Variants in ALG8 observed in about 807,000 individuals in gnomAD.
ALG8 encodes the protein ALG8 alpha-1,3-glucosyltransferase.
Under a neutral mutation model 70.2 loss-of-function variants are expected in ALG8, and 48 were observed. The ratio of observed to expected loss-of-function variants is 0.68; its 90% CI spans 0.54 to 0.87. The LOEUF is 0.87. ALG8 is among the 40% of genes least tolerant of loss of function. The probability of loss-of-function intolerance (pLI) is 0.00; values close to 1 mark genes in which losing one functional copy is unlikely to be tolerated. For missense variants in ALG8, 572 were observed against 608.7 expected, an observed-to-expected ratio of 0.94 and a Z score of 0.64; for synonymous variants, 234 against 229.0, an observed-to-expected ratio of 1.02 and a Z score of -0.20.
intron 10 of ALG8, among the ~76,000 whole-genome samples, chr11:78,105,963 C>T (rs966947834): frequency 6.6e-6 from 1 of 152,144 alleles, no homozygotes; most frequent in Admixed American, 6.5e-5. Flanking sequence ...CCGCTTCAGC[C>T]TCCGAAAGTA....
intron 1 of ALG8, among the ~76,000 whole-genome samples, chr11:78,131,131 C>G (rs1325789009): frequency 6.6e-6 from 1 of 151,666 alleles, no homozygotes; most frequent in African/African-American, 2.4e-5. Context: ...TTTGTTGTTT[C>G]CTATTCAAAA....
At chr11:78,119,608 T>TTAC (rs1565354381) in intron 4 of ALG8, among the ~76,000 whole-genome samples, 1 of 151,982 alleles carries the variant, frequency 6.6e-6, no homozygotes, top group Admixed American at 6.6e-5. Flanking sequence ...TTTTTGTACT[T>TTAC]TTAGTAGAGA....
At chr11:78,111,954 C>T (rs926606530) in intron 8 of ALG8, among the ~76,000 whole-genome samples, 7 of 152,028 alleles carry the variant, frequency 4.6e-5, no homozygotes, top group African/African-American at 1.7e-4. Context: ...CTTACATATT[C>T]TTCTTTCTTG....
At chr11:78,127,327 T>TAA (rs59662312) in intron 2 of ALG8, 31 bp downstream of exon 2, 18 of 1,358,024 alleles carry the variant, frequency 1.3e-5, no homozygotes, top group Non-Finnish European at 1.6e-5. Flanking sequence ...AGATGAATCT[T>TAA]AAAAAAAAAA....
chr11:78,127,712 C>CTT (rs1192507872), intron 1 of ALG8, among the ~76,000 whole-genome samples: 8 of 132,896 alleles, frequency 6.0e-5, no homozygotes, highest in Non-Finnish European at 8.2e-5. Flanking sequence ...TTTTTCTTTT[C>CTT]TTTTTTTTTT....
chr11:78,112,806 A>T (rs1860362095), intron 7 of ALG8, 36 bp from the exon 8 acceptor site: 8 of 1,608,620 alleles, frequency 5.0e-6, no homozygotes, highest in Non-Finnish European at 6.8e-6. Flanking sequence ...TTAAACAGTC[A>T]TCAATCTTTT....
intron 8 of ALG8, among the ~76,000 whole-genome samples, chr11:78,110,079 G>T (rs954447927): frequency 1.3e-5 from 2 of 152,158 alleles, no homozygotes; most frequent in African/African-American, 4.8e-5. Flanking sequence ...CTCAACACCT[G>T]TGTCCCTCTG....
intron 12 of ALG8, among the ~76,000 whole-genome samples, chr11:78,103,180 CCGG>C (rs1206474246): frequency 1.3e-5 from 2 of 151,864 alleles, no homozygotes; most frequent in Non-Finnish European, 2.9e-5. Flanking sequence ...ACAAAATTAG[CCGG>C]GCACAGCAGC....
chr11:78,111,921 T>C (rs937106401), intron 8 of ALG8, among the ~76,000 whole-genome samples: 4 of 152,204 alleles, frequency 2.6e-5, no homozygotes, highest in African/African-American at 9.7e-5. Flanking sequence ...TTTTCCTTAC[T>C]GGTTTAATAC....
rs145239956 is a variant in ALG8 at position 78,112,921 on chromosome 11, A to C, written c.778-151T>G. 3,156 of 916,206 alleles carry C rather than the reference A, an allele frequency of 3.4e-3. 8 individuals are homozygous for C. The highest frequency in any genetic ancestry group is 4.5e-3 in the Non-Finnish European group (2,762 of 619,016). 56.8% of individuals were successfully genotyped at this position (916,206 alleles called of 1,614,324 possible). ...GTGGTTATATGCTCACCACAATGTA[A>C]GTTCACAGAACCTTCTTTTGGTCTC... On this transcript the variant is annotated intron_variant, in intron 7 of 12. Transcript: ENST00000299626.
intron 1 of ALG8, among the ~76,000 whole-genome samples, chr11:78,138,521 C>G (rs1418895028): frequency 6.6e-6 from 1 of 152,078 alleles, no homozygotes. Context: ...TATGGACTTA[C>G]ATTCTATACA....
intron 4 of ALG8, among the ~76,000 whole-genome samples, chr11:78,119,731 A>C (rs1371540001): frequency 6.6e-6 from 1 of 152,096 alleles, no homozygotes; most frequent in African/African-American, 2.4e-5. Context: ...ACCCGGCCTA[A>C]ACACATATTT....
chr11:78,130,093 T>C (rs910631541), intron 1 of ALG8, among the ~76,000 whole-genome samples: 1 of 152,134 alleles, frequency 6.6e-6, no homozygotes, highest in Non-Finnish European at 1.5e-5. Context: ...GGCTCACGCC[T>C]GTAATCCCAA....
intron 4 of ALG8, among the ~76,000 whole-genome samples, chr11:78,119,976 C>A (rs181680126): frequency 4.6e-4 from 70 of 152,106 alleles, no homozygotes; most frequent in African/African-American, 1.7e-3. Flanking sequence ...GTGGCACACA[C>A]CTGTAGTCCC....
intron 12 of ALG8, chr11:78,102,779 C>G (rs1428181715): frequency 1.3e-5 from 2 of 151,518 alleles, no homozygotes; most frequent in African/African-American, 4.9e-5. Flanking sequence ...ATGGAGAAAC[C>G]CATCTCTACT....
chr11:78,112,717 A>T lies in ALG8; in HGVS notation c.831T>A (p.Cys277Ter). Reference protein sequence around the residue: ...SRLFPFKRGLCHAYWAPNFWA... With the variant: ...SRLFPFKRGL The stretch of plus-strand genomic sequence containing the variant: ...AGAAGTTTGGAGCCCAATATGCATG[A>T]CAGAGGCCCCTCTTGAAAGGAAAGA... The change falls in exon 8 of 13, where the codon TGT becomes TGA. Residue 277 changes from cysteine (C) to a stop codon, truncating the protein, a stop_gained. Coordinates refer to ENST00000299626, the MANE Select transcript of ALG8 (RefSeq NM_024079.5). LOFTEE classifies it high-confidence loss of function. 6 of 1,614,134 alleles carry T rather than the reference A, an allele frequency of 3.7e-6. No homozygotes were observed. The highest frequency in any genetic ancestry group is 5.1e-6 in the Non-Finnish European group (6 of 1,179,982).
chr11:78,109,654 C>T (rs1860195160), intron 8 of ALG8, 73 bp from the exon 9 acceptor site: 1 of 1,410,982 alleles, frequency 7.1e-7, no homozygotes, highest in Non-Finnish European at 9.9e-7. Context: ...ACAATCAATT[C>T]CTTGAGGAAT....
At chr11:78,119,965 G>A (rs1860749230) in intron 4 of ALG8, among the ~76,000 whole-genome samples, 1 of 151,978 alleles carries the variant, frequency 6.6e-6, no homozygotes, top group South Asian at 2.1e-4. Flanking sequence ...AGTCAGATGT[G>A]GTGGCACACA....
At chr11:78,131,553 T>C (rs895645500) in intron 1 of ALG8, among the ~76,000 whole-genome samples, 5 of 152,230 alleles carry the variant, frequency 3.3e-5, no homozygotes, top group Admixed American at 6.5e-5. Flanking sequence ...CAGTGAGCTA[T>C]GACTGTGCCA....
Sources: allele counts gnomAD v4.1 joint callset (sites outside exome capture counted in the v4.1 genomes callset), GRCh38; gene constraint gnomAD v4.1.1; transcripts MANE v1.5; gene names NCBI Gene and HGNC (gene_info 2026-07-23, HGNC 2026-07-21).